GALNT13: variants seen among roughly 807,000 people sequenced by gnomAD.
GALNT13 encodes the protein polypeptide N-acetylgalactosaminyltransferase 13, also known as UDP-GalNAc:polypeptide N-acetylgalactosaminyltransferase 13.
Under a neutral mutation model 64.2 loss-of-function variants are expected in GALNT13, and 28 were observed. The observed-to-expected ratio is 0.44, with a 90% confidence interval of 0.32 to 0.60. GALNT13 has a LOEUF of 0.60. GALNT13 is among the 20% of genes least tolerant of loss of function. GALNT13 has a pLI of 0.05. For missense variants in GALNT13, 577 were observed against 669.8 expected, an observed-to-expected ratio of 0.86 and a Z score of 1.53; for synonymous variants, 214 against 224.6, an observed-to-expected ratio of 0.95 and a Z score of 0.42.
intron 3 of GALNT13, among the ~76,000 whole-genome samples, chr2:154,022,346 G>A (rs1190358547): frequency 6.6e-6 from 1 of 152,058 alleles, no homozygotes; most frequent in African/African-American, 2.4e-5. Flanking sequence ...GCTTTTTTTG[G>A]TTGGTAAGCT....
chr2:153,989,663 A>T (rs7576957), intron 3 of GALNT13, among the ~76,000 whole-genome samples: 38,615 of 151,894 alleles, frequency 0.25, 6,844 homozygotes, highest in East Asian at 0.82. Context: ...GAAAGTGAAT[A>T]TCACAGATAA....
the GALNT13 span, among the ~76,000 whole-genome samples, chr2:153,148,063 G>A: frequency 6.6e-6 from 1 of 151,828 alleles, no homozygotes; most frequent in Non-Finnish European, 1.5e-5. Context: ...GTTTTGTCTT[G>A]ACTAAGGTTG....
intron 4 of GALNT13, among the ~76,000 whole-genome samples, chr2:154,178,464 T>G (rs1177599621): frequency 6.6e-6 from 1 of 151,620 alleles, no homozygotes. Flanking sequence ...TACCTAATGT[T>G]AAATGACGAG....
chr2:153,813,124 T>C, the GALNT13 span, among the ~76,000 whole-genome samples: 2 of 152,192 alleles, frequency 1.3e-5, no homozygotes, highest in Non-Finnish European at 2.9e-5. Context: ...GGTTTGAGAC[T>C]GTATATGAGT....
At chr2:153,810,652 A>G in the GALNT13 span, among the ~76,000 whole-genome samples, 1 of 152,186 alleles carries the variant, frequency 6.6e-6, no homozygotes, top group Non-Finnish European at 1.5e-5. Context: ...AAAGGTTTGG[A>G]AAAGTATAGG....
At chr2:153,580,163 T>C in the GALNT13 span, among the ~76,000 whole-genome samples, 52,272 of 151,944 alleles carry the variant, frequency 0.34, 9,998 homozygotes, top group African/African-American at 0.52. Flanking sequence ...ACGCAAAACA[T>C]GGCTCCGGAG....
chr2:154,285,713 C>T (rs1045204420), intron 8 of GALNT13, among the ~76,000 whole-genome samples: 1 of 152,000 alleles, frequency 6.6e-6, no homozygotes, highest in African/African-American at 2.4e-5. Flanking sequence ...TTTTCTGCTT[C>T]CATATGAACT....
chr2:153,149,745 C>T, the GALNT13 span, among the ~76,000 whole-genome samples: 2 of 151,952 alleles, frequency 1.3e-5, no homozygotes, highest in East Asian at 3.9e-4. Context: ...TTATGCCCTG[C>T]ACTTTACCTT....
chr2:153,562,789 T>C, the GALNT13 span, among the ~76,000 whole-genome samples: 1 of 152,170 alleles, frequency 6.6e-6, no homozygotes, highest in Admixed American at 6.6e-5. Flanking sequence ...GCTGTGATGT[T>C]TGTTGCCAAT....
chr2:153,575,307 G>A, the GALNT13 span, among the ~76,000 whole-genome samples: 1 of 152,188 alleles, frequency 6.6e-6, no homozygotes, highest in African/African-American at 2.4e-5. Context: ...GGACTGTGCT[G>A]AGTTAGACCT....
At chr2:154,152,909 C>T (rs924448423) in intron 4 of GALNT13, among the ~76,000 whole-genome samples, 1 of 152,178 alleles carries the variant, frequency 6.6e-6, no homozygotes, top group Non-Finnish European at 1.5e-5. Flanking sequence ...GTTTGATCGT[C>T]TGAAGCCTTC....
the GALNT13 span, among the ~76,000 whole-genome samples, chr2:153,256,393 T>G: frequency 6.6e-6 from 1 of 152,200 alleles, no homozygotes; most frequent in Non-Finnish European, 1.5e-5. Flanking sequence ...AGTTTTCAAC[T>G]TCTTTGCCTT....
the GALNT13 span, among the ~76,000 whole-genome samples, chr2:153,674,156 C>A: frequency 3.9e-5 from 6 of 152,110 alleles, no homozygotes; most frequent in African/African-American, 1.2e-4. Flanking sequence ...AATGCTATCC[C>A]CAACAAACTA....
At chr2:153,299,308 A>G in the GALNT13 span, among the ~76,000 whole-genome samples, 195 of 152,298 alleles carry the variant, frequency 1.3e-3, 5 homozygotes, top group East Asian at 0.035. Flanking sequence ...AGAATTCTGA[A>G]CTAGGATGCT....
chr2:153,615,450 A>G, the GALNT13 span, among the ~76,000 whole-genome samples: 15 of 152,112 alleles, frequency 9.9e-5, no homozygotes, highest in African/African-American at 3.6e-4. Context: ...GGAACCTTCA[A>G]ACTGCTCTCT....
the GALNT13 span, among the ~76,000 whole-genome samples, chr2:153,215,921 A>G: frequency 1.3e-5 from 2 of 152,010 alleles, no homozygotes; most frequent in African/African-American, 4.8e-5. Context: ...TATTTACACA[A>G]CAGTCATAAT....
chr2:154,241,950 G>A, intron 4 of GALNT13, 80 bp from the exon 5 acceptor site: 1 of 807,716 alleles, frequency 1.2e-6, no homozygotes, highest in Non-Finnish European at 1.8e-6. Context: ...CTGAAGTTGT[G>A]TTATTATGGA....
chr2:154,009,855 G>A (rs768761498), intron 3 of GALNT13, among the ~76,000 whole-genome samples: 3 of 152,000 alleles, frequency 2.0e-5, no homozygotes, highest in South Asian at 2.1e-4. Context: ...GTTTTGTAAC[G>A]CTTGTAGAAA....
the GALNT13 span, among the ~76,000 whole-genome samples, chr2:153,201,023 T>C: frequency 2.6e-5 from 4 of 152,224 alleles, no homozygotes; most frequent in Non-Finnish European, 5.9e-5. Context: ...ATGGTCTCCT[T>C]TATGTTTCTC....
Sources: allele counts gnomAD v4.1 joint callset (sites outside exome capture counted in the v4.1 genomes callset), GRCh38; gene constraint gnomAD v4.1.1; transcripts MANE v1.5; gene names NCBI Gene and HGNC (gene_info 2026-07-23, HGNC 2026-07-21).